PLCG1: variants seen among roughly 807,000 people sequenced by gnomAD.
PLCG1 encodes 1-phosphatidylinositol 4,5-bisphosphate phosphodiesterase gamma-1.
A neutral mutation model predicts 177.8 loss-of-function variants in PLCG1; 71 were observed. The ratio of observed to expected loss-of-function variants is 0.40; its 90% CI spans 0.33 to 0.49. PLCG1 has a LOEUF of 0.49. Among genes scored for constraint, PLCG1 ranks in the 20% least tolerant of loss-of-function variants. The probability of loss-of-function intolerance (pLI) is 0.72; values close to 1 mark genes in which losing one functional copy is unlikely to be tolerated. For synonymous variants in PLCG1, 658 were observed against 647.9 expected (o/e 1.02, Z -0.24); for missense variants, 1,281 against 1,709.0 (o/e 0.75, Z 4.42).
chr20:41,137,628 C>T lies in PLCG1; in HGVS notation c.-14C>T, dbSNP rs1600620222. On this transcript the variant is annotated 5_prime_UTR_variant, in exon 1 of 32. Coordinates refer to ENST00000685551, the MANE Select transcript of PLCG1 (RefSeq NM_002660.3). The surrounding 1 kb of genome is among the most constrained non-coding windows in gnomAD (Gnocchi z 7.3). Reference sequence around the variant, plus strand: ...GTCCTGGCCTGTGCCGCCGCCGCCCCCAGCGTCGGAGCCATGGCGGGCGCC... The same window carrying T: ...GTCCTGGCCTGTGCCGCCGCCGCCCTCAGCGTCGGAGCCATGGCGGGCGCC... 1.5e-6 allele frequency: 2 copies of T among 1,316,894 alleles called. No homozygotes were observed. Among genetic ancestry groups the T allele is most frequent in the Non-Finnish European group, 1.9e-6 (2 of 1,031,542 alleles). The allele number at this position is 1,316,894 out of a possible 1,614,324, so 81.6% of individuals were successfully genotyped here.
In PLCG1 at chr20:41,173,541, C is replaced by CTT; in HGVS notation, c.3394+8_3394+9insTT. 6.2e-7 allele frequency: 1 copy of CTT among 1,613,818 alleles called. No homozygotes were observed. The highest frequency in any genetic ancestry group is 8.5e-7 in the Non-Finnish European group (1 of 1,179,864). ...CAGAAGACAGAGTTTGTGGGTCAGT[C>CTT]TGTCTTCCCAGTCATCCTCCTCATC... is the stretch of plus-strand genomic sequence containing the variant. On this transcript the variant is annotated splice_region_variant and intron_variant, in intron 28 of 31. Transcript: ENST00000685551. The surrounding 1 kb of genome is among the most constrained non-coding windows in gnomAD (Gnocchi z 6.2).
At position 41,168,383 on chromosome 20, in the gene PLCG1, G is replaced by A. The variant is rs191055011; in HGVS notation, c.2380-384G>A. Among the ~76,000 whole-genome samples, 10 of 152,326 alleles carry A rather than the reference G, an allele frequency of 6.6e-5. No individual in the cohort carries two copies. In the South Asian group the frequency reaches 1.0e-3, roughly 16 times the overall value. On this transcript the variant is annotated intron_variant, in intron 20 of 31. Coordinates refer to ENST00000685551, the MANE Select transcript of PLCG1 (RefSeq NM_002660.3). ...TTCCACTTCACAGATGAGTGGTAGGGTCCCATCCAGGCCCCATATGCTTCC... is the reference window on the plus strand; with the variant it reads ...TTCCACTTCACAGATGAGTGGTAGGATCCCATCCAGGCCCCATATGCTTCC...
chr20:41,169,434 T>G (rs35680558), intron 22 of PLCG1, 23 bp from the exon 23 acceptor site: 1 of 1,590,180 alleles, frequency 6.3e-7, no homozygotes, highest in Non-Finnish European at 8.6e-7. Context: ...ATGCTGACCA[T>G]TGGTGGGCTT....
In PLCG1 at chr20:41,172,315, G is replaced by A. The variant is rs780896391; in HGVS notation, c.2905+26G>A. On this transcript the variant is annotated intron_variant, in intron 25 of 31. Transcript: ENST00000685551. This position sits in a 1 kb window ranked among gnomAD's most constrained non-coding sequence, Gnocchi z 7.0. ...GTAAGGGCCAGGGCCCAGGCGGGGT[G>A]TGCATGTGCCTGGAGGGCCTGGTGG... 4.4e-6 allele frequency: 7 copies of A among 1,591,672 alleles called. No individual in the cohort carries two copies. The East Asian group carries it at 1.1e-4, about 25-fold the overall frequency.
rs1017008742 is a variant in PLCG1 at position 41,147,005 on chromosome 20, G to A, written c.217+9147G>A. 6.6e-6 allele frequency among the ~76,000 whole-genome samples: 1 copy of A among 152,168 alleles called. No homozygotes were observed. Among genetic ancestry groups the A allele is most frequent in the Non-Finnish European group, 1.5e-5 (1 of 68,030 alleles). ...TACAACTCCATTCCCTCAGTTGGGAGGTTGGGCAGCGATGGGGGCAGGGGT... is the reference window on the plus strand; with the variant it reads ...TACAACTCCATTCCCTCAGTTGGGAAGTTGGGCAGCGATGGGGGCAGGGGT... On this transcript the variant is annotated intron_variant, in intron 1 of 31. Transcript: ENST00000685551. This position sits in a 1 kb window ranked among gnomAD's most constrained non-coding sequence, Gnocchi z 4.0.
In PLCG1 at chr20:41,137,851, G is replaced by C. The variant is rs780427028; in HGVS notation, c.210G>C (p.Glu70Asp). ...GGAGCCGGGGCGCCGACAAGATCGA[G>C]GGGGCCAGTAAGTGCGCCCACTTCC... The part of the protein sequence containing the change: ...ITWSRGADKI[E>D]GAIDIREIKE... The change falls in exon 1 of 32, where the codon GAG (glutamate) becomes GAC (aspartate). Residue 70 changes from glutamate (E) to aspartate (D), a missense_variant. By Grantham distance (45) the Glu-to-Asp change is conservative (BLOSUM62 2). Around this residue, in one of 4 missense-constraint regions of PLCG1, gnomAD observed 374 missense variants for 443.8 expected, o/e 0.84. Transcript: ENST00000685551. This position sits in a 1 kb window ranked among gnomAD's most constrained non-coding sequence, Gnocchi z 7.3. 1.5e-4 allele frequency: 195 copies of C among 1,285,406 alleles called. No homozygotes were observed. The highest frequency in any genetic ancestry group is 1.8e-4 in the Non-Finnish European group (185 of 1,009,060). 79.6% of individuals were successfully genotyped at this position (1,285,406 alleles called of 1,614,324 possible). A position where few individuals can be genotyped will look rare whatever the true frequency, so the allele number is the denominator to read the frequency against.
In PLCG1 at chr20:41,159,396, C is replaced by T. The variant is rs561584847; in HGVS notation, c.218-210C>T. On this transcript the variant is annotated intron_variant, in intron 1 of 31. Coordinates refer to ENST00000685551, the MANE Select transcript of PLCG1 (RefSeq NM_002660.3). This position sits in a 1 kb window ranked among gnomAD's most constrained non-coding sequence, Gnocchi z 6.0. ...AGAACCACCTTTCCCCCATATAGCCCTCTCTGACATCTCAGCCCTTACTTA... is the reference window on the plus strand; with the variant it reads ...AGAACCACCTTTCCCCCATATAGCCTTCTCTGACATCTCAGCCCTTACTTA... Among the ~76,000 whole-genome samples the T allele has an allele frequency of 1.3e-5, 2 of 152,302 alleles. No homozygotes were observed. The highest frequency in any genetic ancestry group is 4.8e-5 in the African/African-American group (2 of 41,546).
rs188476801 is a variant in PLCG1, at chr20:41,144,012, A to G, written c.217+6154A>G. On this transcript the variant is annotated intron_variant, in intron 1 of 31. Transcript: ENST00000685551. This position sits in a 1 kb window ranked among gnomAD's most constrained non-coding sequence, Gnocchi z 4.1. The stretch of plus-strand genomic sequence containing the variant: ...AACCTGGGCTAGGAGTCTGTTTCCT[A>G]CTTGCTTTCTGTGTTCCTTCCCTGA... Among the ~76,000 whole-genome samples the G allele has an allele frequency of 2.6e-4, 39 of 152,232 alleles. No individual in the cohort carries two copies. The highest frequency in any genetic ancestry group is 3.4e-3 in the Middle Eastern group (1 of 294).
rs1323260202 is a variant in PLCG1 at position 41,163,822 on chromosome 20, C to T, written c.999C>T (p.Ser333=). The change falls in exon 10 of 32, where the codon TCC becomes TCT. Residue 333 remains serine, a synonymous_variant. Coordinates refer to ENST00000685551, the MANE Select transcript of PLCG1 (RefSeq NM_002660.3). This position sits in a 1 kb window ranked among gnomAD's most constrained non-coding sequence, Gnocchi z 5.2. The part of the protein sequence containing the change: ...NNPLSHYWIS[S]SHNTYLTGDQ... ...CTCTTTCCCACTACTGGATCTCCTC[C>T]TCGCACAACACGTGAGTGTGGCTCC... 5 of 1,613,116 alleles carry T rather than the reference C, an allele frequency of 3.1e-6. No homozygotes were observed. Among genetic ancestry groups the T allele is most frequent in the Non-Finnish European group, 4.2e-6 (5 of 1,179,028 alleles).
In PLCG1 at chr20:41,163,248, C is replaced by A. The variant is rs372806807; in HGVS notation, c.762C>A (p.Phe254Leu). Residue 254 changes from phenylalanine to leucine, a missense_variant, in exon 8 of 32, where the codon TTC becomes TTA. Transcript: ENST00000685551. The surrounding 1 kb of genome is among the most constrained non-coding windows in gnomAD (Gnocchi z 5.2). ...TTTGCCGAGTGTCCCTTCCTGAGTT[C>A]CAGCAGTTCCTTCTTGACTACCAGG... ...PELCRVSLPE[F>L]QQFLLDYQGE... The A allele has an allele frequency of 1.5e-5, 23 of 1,553,430 alleles. No homozygotes were observed. The highest frequency in any genetic ancestry group is 2.8e-5 in the African/African-American group (2 of 72,658).
At chr20:41,162,226 T>G in intron 4 of PLCG1, 2 of 305,380 alleles carry the variant, frequency 6.5e-6, no homozygotes, top group Non-Finnish European at 1.2e-5. Flanking sequence ...TTTTGTTTGT[T>G]TTGTTTTTGT....
intron 1 of PLCG1, among the ~76,000 whole-genome samples, chr20:41,149,570 T>C (rs542040563): frequency 1.3e-5 from 2 of 152,292 alleles, no homozygotes; most frequent in African/African-American, 4.8e-5. Context: ...AGAGTGGGGA[T>C]AGCAAGTAGG....
intron 1 of PLCG1, among the ~76,000 whole-genome samples, chr20:41,152,624 C>CT (rs1453531834): frequency 6.6e-6 from 1 of 152,270 alleles, no homozygotes; most frequent in East Asian, 1.9e-4. Flanking sequence ...GCTCTGGAAT[C>CT]TAACTCCCAT....
intron 24 of PLCG1, 28 bp downstream of exon 24, chr20:41,170,297 G>T: frequency 6.2e-7 from 1 of 1,613,334 alleles, no homozygotes; most frequent in South Asian, 1.1e-5. Context: ...CCTTCTGGGG[G>T]GCAGTGTGTG....
Position 41,147,966 on chromosome 20 carries a change from G to A in PLCG1, c.217+10108G>A, listed in dbSNP as rs2035046333. 6.6e-6 allele frequency among the ~76,000 whole-genome samples: 1 copy of A among 152,114 alleles called. No individual in the cohort carries two copies. The highest frequency in any genetic ancestry group is 1.5e-5 in the Non-Finnish European group (1 of 68,012). On this transcript the variant is annotated intron_variant, in intron 1 of 31. Coordinates refer to ENST00000685551, the MANE Select transcript of PLCG1 (RefSeq NM_002660.3). This position sits in a 1 kb window ranked among gnomAD's most constrained non-coding sequence, Gnocchi z 4.0. ...CACTCACTGGGGCCCTGTTTCCCAG[G>A]AAGCAAAAAGGGAACAGGAGAGTGG...
chr20:41,143,293 C>T (rs1435753569), intron 1 of PLCG1, among the ~76,000 whole-genome samples: 1 of 152,160 alleles, frequency 6.6e-6, no homozygotes, highest in African/African-American at 2.4e-5. Flanking sequence ...TACTCTGTGC[C>T]TTTTCCTGTG....
chr20:41,145,530 C>T (rs2034970150), intron 1 of PLCG1, among the ~76,000 whole-genome samples: 1 of 152,164 alleles, frequency 6.6e-6, no homozygotes, highest in South Asian at 2.1e-4. Flanking sequence ...GCCTGCTGAG[C>T]CTACTCTGTT....
In PLCG1 at chr20:41,167,391, C is replaced by T. The variant is rs1404641864; in HGVS notation, c.2302-461C>T. 6.6e-6 allele frequency among the ~76,000 whole-genome samples: 1 copy of T among 152,162 alleles called. No homozygotes were observed. The highest frequency in any genetic ancestry group is 1.5e-5 in the Non-Finnish European group (1 of 68,032). On this transcript the variant is annotated intron_variant, in intron 19 of 31. Coordinates refer to ENST00000685551, the MANE Select transcript of PLCG1 (RefSeq NM_002660.3). The surrounding 1 kb of genome is among the most constrained non-coding windows in gnomAD (Gnocchi z 4.4). ...TTGAGAGACTGCTGTCGTCAGTAGACAGGGCTGGCTGGGGAGAGAGAGGCC... is the reference window on the plus strand; with the variant it reads ...TTGAGAGACTGCTGTCGTCAGTAGATAGGGCTGGCTGGGGAGAGAGAGGCC...
intron 1 of PLCG1, among the ~76,000 whole-genome samples, chr20:41,139,801 A>G (rs2034758945): frequency 1.3e-5 from 2 of 152,190 alleles, no homozygotes; most frequent in Admixed American, 6.5e-5. Context: ...AGGTGCAGGA[A>G]GGGAGGAGGA....
Sources: allele counts gnomAD v4.1 joint callset (sites outside exome capture counted in the v4.1 genomes callset), GRCh38; gene constraint gnomAD v4.1.1; regional missense constraint gnomAD v4.1.1; non-coding constraint Gnocchi (gnomAD v3.1); transcripts MANE v1.5; gene names NCBI Gene and HGNC (gene_info 2026-07-23, HGNC 2026-07-21).